BRWD1: variants seen among roughly 807,000 people sequenced by gnomAD.
BRWD1 encodes the protein bromodomain and WD repeat domain containing 1.
In BRWD1, 82 loss-of-function variants were observed where a neutral mutation model predicts 251.2. The observed-to-expected ratio is 0.33, with a 90% CI of 0.27 to 0.39. The LOEUF (loss-of-function observed/expected upper bound fraction) is 0.39, where lower values mean the gene tolerates loss of function less well. Among genes scored for constraint, BRWD1 ranks in the 10% least tolerant of loss-of-function variants. The probability of loss-of-function intolerance (pLI) is 1.00; values close to 1 mark genes in which losing one functional copy is unlikely to be tolerated. For missense variants in BRWD1, 2,233 were observed against 2,711.6 expected, an observed-to-expected ratio of 0.82 and a Z score of 3.92; for synonymous variants, 918 against 902.8, an observed-to-expected ratio of 1.02 and a Z score of -0.30.
Position 39,195,276 on chromosome 21 carries a change from C to G in BRWD1, c.*983G>C, listed in dbSNP as rs1248613228. On this transcript the variant is annotated 3_prime_UTR_variant, in exon 41 of 41. Transcript: ENST00000342449. ...ATAAGATTTGCAATTGTACTCTTAA[C>G]AAAACTCACCTCTACAATTGGAATA... 49 of 1,009,342 alleles carry G rather than the reference C, an allele frequency of 4.9e-5. No homozygotes were observed. Among genetic ancestry groups the G allele is most frequent in the Non-Finnish European group, 5.7e-5 (48 of 845,406 alleles). The allele number at this position is 1,009,342 out of a possible 1,614,324, so 62.5% of individuals were successfully genotyped here.
chr21:39,227,738 A>C (rs902716568), intron 27 of BRWD1, among the ~76,000 whole-genome samples: 2 of 152,204 alleles, frequency 1.3e-5, no homozygotes, highest in African/African-American at 2.4e-5. Context: ...TTATGATATC[A>C]AGGGTAAAAT....
At chr21:39,269,711 G>A (rs565246407) in intron 15 of BRWD1, among the ~76,000 whole-genome samples, 188 bp downstream of exon 15, 1 of 152,168 alleles carries the variant, frequency 6.6e-6, no homozygotes, top group South Asian at 2.1e-4. Context: ...ATATAAATCA[G>A]TCATACAGAG....
intron 36 of BRWD1, among the ~76,000 whole-genome samples, chr21:39,209,573 A>G (rs989584339): frequency 6.6e-6 from 1 of 152,186 alleles, no homozygotes. Context: ...CTTCAAATCC[A>G]AATGTTCTTA....
At chr21:39,312,737 G>A (rs1026398132) in intron 4 of BRWD1, 104 bp downstream of exon 4, 9 of 833,460 alleles carry the variant, frequency 1.1e-5, no homozygotes, top group African/African-American at 7.1e-5. Context: ...CCCCAGTGCG[G>A]GTCACACTTT....
intron 4 of BRWD1, among the ~76,000 whole-genome samples, chr21:39,300,314 T>C (rs549296055): frequency 5.1e-4 from 78 of 152,246 alleles, no homozygotes; most frequent in African/African-American, 1.8e-3. Context: ...TCTTCTGACA[T>C]GGAAAGCCTA....
chr21:39,245,109 G>T (rs777239948), intron 21 of BRWD1, among the ~76,000 whole-genome samples: 2 of 151,670 alleles, frequency 1.3e-5, no homozygotes, highest in African/African-American at 4.8e-5. Context: ...CAGGCAGGGT[G>T]GCTGGTGCCT....
intron 33 of BRWD1, 149 bp downstream of exon 33, chr21:39,213,332 T>C (rs1160358884): frequency 4.4e-6 from 3 of 682,170 alleles, no homozygotes; most frequent in African/African-American, 3.7e-5. Context: ...ATAAATCATC[T>C]AGAAAATTCA....
intron 21 of BRWD1, among the ~76,000 whole-genome samples, chr21:39,239,840 A>G (rs116969105): frequency 6.6e-6 from 1 of 152,362 alleles, no homozygotes; most frequent in East Asian, 1.9e-4. Context: ...AAGACAGTTT[A>G]GCAGTTTCTT....
In BRWD1 at chr21:39,191,559, A is replaced by G; in HGVS notation, c.*4700T>C. The G allele has an allele frequency of 1.0e-6, 1 of 983,872 alleles. No individual in the cohort carries two copies. The highest frequency in any genetic ancestry group is 1.2e-6 in the Non-Finnish European group (1 of 828,558). The allele number at this position is 983,872 out of a possible 1,614,324, so 60.9% of individuals were successfully genotyped here. ...AACTAAAGATCTGCTTGACAGGCTCATGTAATTTTTTGATTGGGATTTTGT... is the reference window on the plus strand; with the variant it reads ...AACTAAAGATCTGCTTGACAGGCTCGTGTAATTTTTTGATTGGGATTTTGT... On this transcript the variant is annotated 3_prime_UTR_variant, in exon 41 of 41. Coordinates refer to ENST00000342449, the MANE Select transcript of BRWD1 (RefSeq NM_033656.4).
intron 21 of BRWD1, among the ~76,000 whole-genome samples, chr21:39,243,068 T>C (rs973515000): frequency 6.6e-6 from 1 of 152,184 alleles, no homozygotes; most frequent in African/African-American, 2.4e-5. Flanking sequence ...ATCAAGACTG[T>C]AATTTTACCA....
At chr21:39,249,661 A>C (rs1237408507) in intron 20 of BRWD1, among the ~76,000 whole-genome samples, 1 of 152,222 alleles carries the variant, frequency 6.6e-6, no homozygotes, top group Non-Finnish European at 1.5e-5. Context: ...GGTCAGTTTT[A>C]GAATTTCAAC....
chr21:39,220,646 G>A (rs768375591), intron 29 of BRWD1, among the ~76,000 whole-genome samples: 1 of 152,102 alleles, frequency 6.6e-6, no homozygotes, highest in Admixed American at 6.5e-5. Flanking sequence ...CAACCAACCA[G>A]AATTGGCACA....
chr21:39,212,596 C>T, intron 34 of BRWD1, 70 bp downstream of exon 34: 1 of 1,280,816 alleles, frequency 7.8e-7, no homozygotes, highest in Non-Finnish European at 1.1e-6. Flanking sequence ...AAGACAAAAA[C>T]TAAAATCCTG....
chr21:39,306,858 G>C (rs1168481774), intron 4 of BRWD1, among the ~76,000 whole-genome samples: 1 of 152,106 alleles, frequency 6.6e-6, no homozygotes, highest in Non-Finnish European at 1.5e-5. Context: ...TTGAAAATTT[G>C]TTTATTTATT....
chr21:39,296,471 C>T, intron 5 of BRWD1, 108 bp from the exon 6 acceptor site: 1 of 1,296,248 alleles, frequency 7.7e-7, no homozygotes, highest in Non-Finnish European at 9.8e-7. Flanking sequence ...AACATTTTAC[C>T]AACTAGTATA....
At chr21:39,315,860 A>G (rs2036693130), upstream of BRWD1, 1 of 152,176 alleles carries the variant, frequency 6.6e-6, no homozygotes, top group Admixed American at 6.6e-5. Context: ...ATATCAGAAG[A>G]TCAGCTTGCC....
chr21:39,213,577 A>G, intron 32 of BRWD1, 24 bp from the exon 33 acceptor site: 1 of 1,506,628 alleles, frequency 6.6e-7, no homozygotes, highest in Non-Finnish European at 9.2e-7. Context: ...TTTCACTTTA[A>G]TAGTATGCAG....
At chr21:39,282,068 G>A (rs997118282) in intron 8 of BRWD1, among the ~76,000 whole-genome samples, 7 of 151,456 alleles carry the variant, frequency 4.6e-5, no homozygotes, top group Admixed American at 6.6e-5. Flanking sequence ...ACACGTATAC[G>A]TATATATGGA....
chr21:39,303,380 A>T (rs764851683), intron 4 of BRWD1, among the ~76,000 whole-genome samples: 9 of 151,526 alleles, frequency 5.9e-5, no homozygotes, highest in Non-Finnish European at 2.9e-5. Context: ...TTAGCCGGGC[A>T]TGGTAGCAGG....
Sources: gnomAD v4.1 joint callset for allele counts (sites outside exome capture counted in the v4.1 genomes callset) on GRCh38, gnomAD v4.1.1 for gene constraint, MANE v1.5 for transcripts, NCBI Gene and HGNC (gene_info 2026-07-23, HGNC 2026-07-21) for gene names.